DCBLD1: variants seen among roughly 807,000 people sequenced by gnomAD.
DCBLD1 encodes the protein discoidin, CUB and LCCL domain containing 1.
Under a neutral mutation model 71.5 loss-of-function variants are expected in DCBLD1, and 57 were observed. The observed-to-expected ratio is 0.80, with a 90% confidence interval of 0.64 to 0.99. The LOEUF (loss-of-function observed/expected upper bound fraction) is 0.99, where lower values mean the gene tolerates loss of function less well. Among genes scored for constraint, DCBLD1 ranks in the 50% least tolerant of loss-of-function variants. DCBLD1 has a pLI of 0.00. For synonymous variants in DCBLD1, 380 were observed against 363.8 expected (o/e 1.04, Z -0.51); for missense variants, 891 against 923.5 (o/e 0.96, Z 0.46).
chr6:117,548,446 T>A lies in DCBLD1; in HGVS notation c.*7T>A. On this transcript the variant is annotated 3_prime_UTR_variant, in exon 15 of 15. Coordinates refer to ENST00000338728, the MANE Select transcript of DCBLD1 (RefSeq NM_001366458.2). ...CATGACTGCCCTTTTGTGAACACAATGTGAAAGAAGCCTGCTGTGGTACTG... is the reference window on the plus strand; with the variant it reads ...CATGACTGCCCTTTTGTGAACACAAAGTGAAAGAAGCCTGCTGTGGTACTG... 1 of 1,550,440 alleles carries A rather than the reference T, an allele frequency of 6.4e-7. No homozygotes were observed. Among genetic ancestry groups the A allele is most frequent in the Admixed American group, 2.0e-5 (1 of 51,006 alleles).
chr6:117,550,487 C>G (rs992362510), downstream of DCBLD1, among the ~76,000 whole-genome samples: 4 of 152,172 alleles, frequency 2.6e-5, no homozygotes. Context: ...AGATTGTATT[C>G]TGCCACTTCT....
At chr6:117,532,528 G>A in intron 6 of DCBLD1, 135 bp downstream of exon 6, 1 of 1,121,944 alleles carries the variant, frequency 8.9e-7, no homozygotes, top group South Asian at 1.9e-5. Flanking sequence ...ATGCATGAGT[G>A]CTTAGAGCAG....
Position 117,501,599 on chromosome 6 carries a change from C to T in DCBLD1, c.113-2168C>T, listed in dbSNP as rs898822420. On this transcript the variant is annotated intron_variant, in intron 1 of 14. Transcript: ENST00000338728. ...TCCGCTGCCTTGGCCTCCCAAAATG[C>T]TGGAATTACAGGCATGAGCCACCAC... Among the ~76,000 whole-genome samples, 5 of 152,312 alleles carry T rather than the reference C, an allele frequency of 3.3e-5. No individual in the cohort carries two copies. In the East Asian group the frequency reaches 5.8e-4, roughly 18 times the overall value.
At chr6:117,488,323 C>T (rs959097885) in intron 1 of DCBLD1, among the ~76,000 whole-genome samples, 5 of 152,114 alleles carry the variant, frequency 3.3e-5, no homozygotes, top group African/African-American at 1.2e-4. Flanking sequence ...TATTGTGGAG[C>T]GTTAGGAAAC....
chr6:117,509,386 G>A (rs939141802), intron 2 of DCBLD1, among the ~76,000 whole-genome samples: 4 of 152,078 alleles, frequency 2.6e-5, no homozygotes, highest in Admixed American at 6.6e-5. Flanking sequence ...GAGCCATGTC[G>A]TGCCACAACA....
chr6:117,528,850 T>G (rs1778625131), intron 5 of DCBLD1, among the ~76,000 whole-genome samples: 1 of 152,188 alleles, frequency 6.6e-6, no homozygotes, highest in Non-Finnish European at 1.5e-5. Flanking sequence ...TGTTTTTTGT[T>G]TGTTTTTTGA....
intron 1 of DCBLD1, chr6:117,494,684 C>G (rs1777412369): frequency 6.6e-6 from 1 of 151,918 alleles, no homozygotes; most frequent in African/African-American, 2.4e-5. Flanking sequence ...GGACTTGTAA[C>G]TTAATAACAA....
At chr6:117,539,553 A>G in intron 9 of DCBLD1, 174 bp downstream of exon 9, 1 of 674,400 alleles carries the variant, frequency 1.5e-6, no homozygotes, top group South Asian at 2.6e-5. Flanking sequence ...ATCATTTGAG[A>G]CCATCCTGGG....
At chr6:117,560,152 A>AGAT (rs937990222) in intron 14 of DCBLD1, 4 of 157,324 alleles carry the variant, frequency 2.5e-5, no homozygotes, top group Admixed American at 6.5e-5. Flanking sequence ...TTTTCCTCAT[A>AGAT]GATAACAACA....
chr6:117,493,110 T>G (rs1438462354), intron 1 of DCBLD1, among the ~76,000 whole-genome samples: 1 of 152,164 alleles, frequency 6.6e-6, no homozygotes, highest in Non-Finnish European at 1.5e-5. Flanking sequence ...CCATACAAAA[T>G]TTTTATCTTG....
At chr6:117,491,584 A>G (rs1777295688) in intron 1 of DCBLD1, among the ~76,000 whole-genome samples, 1 of 152,218 alleles carries the variant, frequency 6.6e-6, no homozygotes, top group African/African-American at 2.4e-5. Context: ...GAGCACACCT[A>G]AGAAAACTAA....
chr6:117,500,485 T>G (rs1212539628), intron 1 of DCBLD1, among the ~76,000 whole-genome samples: 4 of 152,212 alleles, frequency 2.6e-5, no homozygotes, highest in Non-Finnish European at 5.9e-5. Context: ...TTGCCTGCAT[T>G]GTGCCAGCAT....
intron 14 of DCBLD1, among the ~76,000 whole-genome samples, chr6:117,560,089 C>A (rs1392357707): frequency 2.6e-5 from 4 of 152,066 alleles, no homozygotes; most frequent in African/African-American, 9.7e-5. Flanking sequence ...TGGAAGAATA[C>A]CCTTTTAAAT....
chr6:117,563,301 A>G, intron 14 of DCBLD1: 1 of 1,613,262 alleles, frequency 6.2e-7, no homozygotes, highest in East Asian at 2.2e-5. Context: ...TCTAATTTTG[A>G]AGCACCGTCA....
rs1419307863 is a variant in DCBLD1, at chr6:117,532,358, T to A, written c.684T>A (p.Tyr228Ter). 1 of 1,612,956 alleles carries A rather than the reference T, an allele frequency of 6.2e-7. No individual in the cohort carries two copies. The highest frequency in any genetic ancestry group is 8.5e-7 in the Non-Finnish European group (1 of 1,179,772). The change falls in exon 6 of 15, where the codon TAT becomes TAA. Residue 228 changes from tyrosine to a stop codon, truncating the protein, a stop_gained. Coordinates refer to ENST00000338728, the MANE Select transcript of DCBLD1 (RefSeq NM_001366458.2). LOFTEE classifies it high-confidence loss of function. The part of the protein sequence containing the change: ...SVLQRKGISR[Y>*]EGILANGVLS... ...TTCAGCGCAAAGGGATCAGTCGATA[T>A]GAAGGGATTCTGGCCAATGGTGTTC... is the stretch of plus-strand genomic sequence containing the variant.
At chr6:117,516,105 G>T (rs1778188224) in intron 2 of DCBLD1, among the ~76,000 whole-genome samples, 1 of 151,942 alleles carries the variant, frequency 6.6e-6, no homozygotes, top group Admixed American at 6.6e-5. Context: ...TGTAATCCCA[G>T]CACTTTCGGA....
rs1350779112 is a variant in DCBLD1 at position 117,503,940 on chromosome 6, T to G, written c.286T>G (p.Ser96Ala). Residue 96 changes from serine to alanine, a missense_variant, in exon 2 of 15, where the codon TCT becomes GCT. Ser to Ala is a moderately conservative substitution (Grantham distance 99). Transcript: ENST00000338728. The stretch of plus-strand genomic sequence containing the variant: ...GGATATCGAATCCCAGACCTGTGCT[T>G]CTGACTATCTTCTCTTCACCAGCTC... ...DLDIESQTCA[S>A]DYLLFTSSSD... 1.2e-6 allele frequency: 2 copies of G among 1,614,146 alleles called. No homozygotes were observed.
At chr6:117,555,757 C>A (rs535966810) in intron 14 of DCBLD1, among the ~76,000 whole-genome samples, 33 of 152,200 alleles carry the variant, frequency 2.2e-4, no homozygotes, top group Admixed American at 1.8e-3. Flanking sequence ...CTGTATCAAG[C>A]CAAGGGTCCA....
intron 2 of DCBLD1, among the ~76,000 whole-genome samples, chr6:117,517,286 A>G (rs1196435507): frequency 6.6e-6 from 1 of 152,242 alleles, no homozygotes; most frequent in African/African-American, 2.4e-5. Flanking sequence ...TAAAGCTCCA[A>G]AATGATCTCC....
Sources: gnomAD v4.1 joint callset for allele counts (sites outside exome capture counted in the v4.1 genomes callset) on GRCh38, gnomAD v4.1.1 for gene constraint, MANE v1.5 for transcripts, NCBI Gene and HGNC (gene_info 2026-07-23, HGNC 2026-07-21) for gene names.